The following CSTPP1 variants were observed in gnomAD, a reference collection of about 807,000 sequenced individuals.
CSTPP1 encodes centriolar satellite-associated tubulin polyglutamylase complex regulator 1.
chr11:46,949,456 AG>A, the CSTPP1 span, among the ~76,000 whole-genome samples: 420 of 152,286 alleles, frequency 2.8e-3, 2 homozygotes, highest in African/African-American at 9.6e-3. Flanking sequence ...TTTCTTTTCA[AG>A]GGTATATTTA....
the CSTPP1 span, among the ~76,000 whole-genome samples, chr11:46,954,869 G>A: frequency 6.6e-6 from 1 of 151,396 alleles, no homozygotes. Context: ...GAAAGGAGAA[G>A]GGAAGGGAAG....
At chr11:46,944,054 A>C in the CSTPP1 span, among the ~76,000 whole-genome samples, 1 of 151,298 alleles carries the variant, frequency 6.6e-6, no homozygotes, top group Non-Finnish European at 1.5e-5. Context: ...ATGGTGGCTC[A>C]TGCCTATAAT....
the CSTPP1 span, among the ~76,000 whole-genome samples, chr11:47,060,901 G>A: frequency 6.6e-6 from 1 of 152,196 alleles, no homozygotes; most frequent in Non-Finnish European, 1.5e-5. Context: ...AGGTAAAAGT[G>A]AAAGCATAGA....
the CSTPP1 span, chr11:47,163,953 T>C: frequency 1.0e-6 from 1 of 1,001,578 alleles, no homozygotes; most frequent in Non-Finnish European, 1.4e-6. Flanking sequence ...GCGTTAAATA[T>C]TTCTTAAACT....
At chr11:47,060,036 G>A in the CSTPP1 span, among the ~76,000 whole-genome samples, 1 of 151,428 alleles carries the variant, frequency 6.6e-6, no homozygotes. Flanking sequence ...TCTGGGAGGT[G>A]GAGGTTGCAG....
the CSTPP1 span, among the ~76,000 whole-genome samples, chr11:47,104,769 G>T: frequency 2.0e-5 from 3 of 152,146 alleles, no homozygotes; most frequent in South Asian, 2.1e-4. Flanking sequence ...CCAGTTACAG[G>T]GCAGGAAGGG....
chr11:47,144,133 T>C, the CSTPP1 span, among the ~76,000 whole-genome samples: 4 of 152,200 alleles, frequency 2.6e-5, no homozygotes, highest in Admixed American at 2.6e-4. Flanking sequence ...GTTTGTAAGA[T>C]TTCAGTAACA....
the CSTPP1 span, chr11:46,936,697 C>A: frequency 6.6e-7 from 1 of 1,523,772 alleles, no homozygotes; most frequent in Admixed American, 2.1e-5. Context: ...ACACCTCCTC[C>A]AGCTCCCGTC....
At chr11:47,159,578 G>T in the CSTPP1 span, 1 of 455,848 alleles carries the variant, frequency 2.2e-6, no homozygotes, top group Non-Finnish European at 4.4e-6. Flanking sequence ...GGTGGGATCT[G>T]CCCTGGTGTT....
chr11:47,161,437 G>A, the CSTPP1 span: 1 of 1,612,188 alleles, frequency 6.2e-7, no homozygotes, highest in Non-Finnish European at 8.5e-7. Flanking sequence ...GCCTCTCGCT[G>A]CCCTCCAGGC....
At chr11:46,992,597 C>T in the CSTPP1 span, among the ~76,000 whole-genome samples, 2 of 152,102 alleles carry the variant, frequency 1.3e-5, no homozygotes, top group African/African-American at 4.8e-5. Context: ...CATAGTATTC[C>T]ATGGTGTATA....
the CSTPP1 span, chr11:46,936,753 C>G: frequency 6.2e-7 from 1 of 1,604,052 alleles, no homozygotes; most frequent in Non-Finnish European, 8.5e-7. Flanking sequence ...GAGACGGCAA[C>G]CTGGGTTCCG....
At chr11:47,075,738 G>A in the CSTPP1 span, among the ~76,000 whole-genome samples, 1 of 151,834 alleles carries the variant, frequency 6.6e-6, no homozygotes, top group Non-Finnish European at 1.5e-5. Flanking sequence ...GGCCAGGGTG[G>A]TTAAGCCCCG....
At chr11:46,946,656 T>A in the CSTPP1 span, among the ~76,000 whole-genome samples, 2 of 152,188 alleles carry the variant, frequency 1.3e-5, no homozygotes, top group Non-Finnish European at 1.5e-5. Context: ...AGACTCCATC[T>A]CAAAAATAAG....
the CSTPP1 span, among the ~76,000 whole-genome samples, chr11:46,967,303 A>T: frequency 6.6e-6 from 1 of 152,148 alleles, no homozygotes; most frequent in African/African-American, 2.4e-5. Context: ...GTATTCCAGC[A>T]CCATTTATTA....
the CSTPP1 span, among the ~76,000 whole-genome samples, chr11:47,142,670 T>C: frequency 1.3e-5 from 2 of 152,118 alleles, no homozygotes; most frequent in Non-Finnish European, 2.9e-5. Context: ...TCAAAATGCA[T>C]CTTAGCCCCC....
the CSTPP1 span, chr11:47,155,995 GCTGA>G: frequency 2.0e-5 from 3 of 152,220 alleles, no homozygotes; most frequent in Non-Finnish European, 4.4e-5. Flanking sequence ...TTTACAAATT[GCTGA>G]CTGTGTTCAT....
At chr11:47,161,140 C>G in the CSTPP1 span, 1 of 1,614,142 alleles carries the variant, frequency 6.2e-7, no homozygotes, top group East Asian at 2.2e-5. Flanking sequence ...CTTTGCCTGA[C>G]AAGGGGGATC....
At chr11:47,053,517 G>C in the CSTPP1 span, among the ~76,000 whole-genome samples, 1 of 151,646 alleles carries the variant, frequency 6.6e-6, no homozygotes, top group Non-Finnish European at 1.5e-5. Flanking sequence ...TATTCAGGAG[G>C]CTGAGGAACG....
Sources: allele counts gnomAD v4.1 joint callset (sites outside exome capture counted in the v4.1 genomes callset), GRCh38; gene constraint gnomAD v4.1.1; transcripts MANE v1.5; gene names NCBI Gene and HGNC (gene_info 2026-07-23, HGNC 2026-07-21).